CNTN2: variants seen among roughly 807,000 people sequenced by gnomAD.
CNTN2 encodes the protein contactin-2.
A neutral mutation model predicts 117.5 loss-of-function variants in CNTN2; 53 were observed. The observed-to-expected ratio is 0.45, with a 90% CI of 0.36 to 0.57. The LOEUF is 0.57. Ranked by LOEUF, CNTN2 falls within the 20% of genes least tolerant of loss-of-function variation. The probability of loss-of-function intolerance (pLI) is 0.00; values close to 1 mark genes in which losing one functional copy is unlikely to be tolerated. For synonymous variants in CNTN2, 530 were observed against 561.7 expected, an observed-to-expected ratio of 0.94 and a Z score of 0.80; for missense variants, 1,106 against 1,404.3, an observed-to-expected ratio of 0.79 and a Z score of 3.39.
At position 205,049,466 on chromosome 1, in the gene CNTN2, A is replaced by G. The variant is rs1464534395; in HGVS notation, c.-86-3634A>G. Among the ~76,000 whole-genome samples the G allele has an allele frequency of 2.6e-5, 4 of 152,180 alleles. No individual in the cohort carries two copies. In the East Asian group the frequency reaches 7.7e-4, roughly 29 times the overall value. On this transcript the variant is annotated intron_variant, in intron 1 of 22. Transcript: ENST00000331830. ...GACACAACAGATACCCACAAGCATTACATCCACGCACACTGGGACACAGAC... is the reference window on the plus strand; with the variant it reads ...GACACAACAGATACCCACAAGCATTGCATCCACGCACACTGGGACACAGAC...
chr1:205,067,420 G>A (rs1457283419), intron 16 of CNTN2, 170 bp downstream of exon 16: 2 of 675,300 alleles, frequency 3.0e-6, no homozygotes, highest in Non-Finnish European at 4.6e-6. Flanking sequence ...CAGGGCCACT[G>A]CATGGACAAA....
intron 9 of CNTN2, 32 bp downstream of exon 9, chr1:205,062,033 A>C (rs749902758): frequency 5.6e-6 from 9 of 1,608,182 alleles, no homozygotes; most frequent in Admixed American, 3.4e-5. Flanking sequence ...CCGACACATC[A>C]CAACTGTCCT....
rs1481830384 is a variant in CNTN2, at chr1:205,061,752, A to G, written c.974-113A>G. On this transcript the variant is annotated intron_variant, in intron 8 of 22. Transcript: ENST00000331830. The surrounding 1 kb of genome is among the most constrained non-coding windows in gnomAD (Gnocchi z 4.8). ...TTGTCCTCTCCATCTCAGAATGCTC[A>G]TGGCGCCCTCTGCTGTCTGGCACAG... is the stretch of plus-strand genomic sequence containing the variant. 4 of 1,339,356 alleles carry G rather than the reference A, an allele frequency of 3.0e-6. No homozygotes were observed. Among genetic ancestry groups the G allele is most frequent in the African/African-American group, 3.0e-5 (2 of 66,946 alleles). The allele number at this position is 1,339,356 out of a possible 1,614,324, so 83.0% of individuals were successfully genotyped here.
At chr1:205,057,742 G>A (rs1018709510) in intron 2 of CNTN2, 179 bp from the exon 3 acceptor site, 30 of 558,952 alleles carry the variant, frequency 5.4e-5, no homozygotes, top group Non-Finnish European at 7.6e-5. Flanking sequence ...TTCTTCAGTC[G>A]CAATAGCCAC....
At position 205,058,790 on chromosome 1, in the gene CNTN2, C is replaced by T. The variant is rs1653804336; in HGVS notation, c.487+127C>T. The T allele has an allele frequency of 2.8e-6, 2 of 726,980 alleles. No individual in the cohort carries two copies. Among genetic ancestry groups the T allele is most frequent in the Non-Finnish European group, 4.5e-6 (2 of 443,724 alleles). The allele number at this position is 726,980 out of a possible 1,614,324, so 45.0% of individuals were successfully genotyped here. A position where few individuals can be genotyped will look rare whatever the true frequency, so the allele number is the denominator to read the frequency against. On this transcript the variant is annotated intron_variant, in intron 5 of 22. Transcript: ENST00000331830. This position sits in a 1 kb window ranked among gnomAD's most constrained non-coding sequence, Gnocchi z 4.3. ...CTTAGAAGCACCCATCCCTGGGACCCTAACTTTAAATGATCTGTGTTTCCT... is the reference window on the plus strand; with the variant it reads ...CTTAGAAGCACCCATCCCTGGGACCTTAACTTTAAATGATCTGTGTTTCCT...
At chr1:205,062,677 T>C in intron 10 of CNTN2, 108 bp downstream of exon 10, 1 of 1,255,884 alleles carries the variant, frequency 8.0e-7, no homozygotes. Context: ...CCTGTGGCCA[T>C]TTTCCTTGGT....
chr1:205,070,465 T>G lies in CNTN2; in HGVS notation c.2471T>G (p.Val824Gly), dbSNP rs1327013798. ...VAPTKVWAKG[V>G]SSSEMNVTWE... Reference sequence around the variant, plus strand: ...CCTACCAAGGTGTGGGCCAAAGGGGTCTCATCCTCAGAGATGAACGTGACC... The same window carrying G: ...CCTACCAAGGTGTGGGCCAAAGGGGGCTCATCCTCAGAGATGAACGTGACC... The change falls in exon 19 of 23, where the codon GTC (valine) becomes GGC (glycine). Residue 824 changes from valine (V) to glycine (G), a missense_variant. Coordinates refer to ENST00000331830, the MANE Select transcript of CNTN2 (RefSeq NM_005076.5). 6 of 1,613,760 alleles carry G rather than the reference T, an allele frequency of 3.7e-6. No individual in the cohort carries two copies. Among genetic ancestry groups the G allele is most frequent in the Non-Finnish European group, 5.1e-6 (6 of 1,179,908 alleles).
At position 205,073,251 on chromosome 1, in the gene CNTN2, CT is replaced by C; in HGVS notation, c.3013+16del. ...GAGGAATGGAGGTGCTGCTCCTCCC[CT>C]ACCCTTATCCCCTCGAGAGATTCAG... is the stretch of plus-strand genomic sequence containing the variant. On this transcript the variant is annotated intron_variant, in intron 22 of 22. Transcript: ENST00000331830. This position sits in a 1 kb window ranked among gnomAD's most constrained non-coding sequence, Gnocchi z 6.3. 2.5e-6 allele frequency: 4 copies of C among 1,612,734 alleles called. No homozygotes were observed. The highest frequency in any genetic ancestry group is 3.4e-6 in the Non-Finnish European group (4 of 1,179,214).
chr1:205,062,336 G>C, intron 9 of CNTN2, 104 bp from the exon 10 acceptor site: 7 of 1,431,658 alleles, frequency 4.9e-6, no homozygotes, highest in Non-Finnish European at 6.6e-6. Flanking sequence ...ATATCCTCTA[G>C]GGATTATCAG....
intron 14 of CNTN2, 65 bp from the exon 15 acceptor site, chr1:205,066,376 A>C: frequency 6.4e-7 from 1 of 1,571,896 alleles, no homozygotes; most frequent in South Asian, 1.2e-5. Context: ...CCTGGCTGGG[A>C]GGAGGTTGGC....
chr1:205,061,314 C>T lies in CNTN2; in HGVS notation c.867C>T (p.Pro289=), dbSNP rs143847367. ...CCCCGCAGTGGACCACAGCTGAGCC[C>T]ACCCTGCAGATCCCCAGCGTCAGCT... The part of the protein sequence containing the change: ...SLSPQWTTAE[P]TLQIPSVSFE... Residue 289 remains proline (P), a synonymous_variant, in exon 8 of 23, where the codon CCC becomes CCT. Transcript: ENST00000331830. This position sits in a 1 kb window ranked among gnomAD's most constrained non-coding sequence, Gnocchi z 4.8. The T allele has an allele frequency of 1.5e-5, 25 of 1,614,036 alleles. No individual in the cohort carries two copies. In the Admixed American group the frequency reaches 1.7e-4, roughly 11 times the overall value.
At chr1:205,072,265 G>A (rs776135993) in intron 20 of CNTN2, 132 bp downstream of exon 20, 57 of 963,324 alleles carry the variant, frequency 5.9e-5, no homozygotes, top group East Asian at 1.5e-4. Flanking sequence ...ATTAGGCAGC[G>A]AGCCTAATGG....
intron 12 of CNTN2, 108 bp from the exon 13 acceptor site, chr1:205,064,979 C>G: frequency 7.5e-7 from 1 of 1,334,204 alleles, no homozygotes; most frequent in Non-Finnish European, 1.0e-6. Context: ...GTCACACCAC[C>G]TCTTCTCTTT....
chr1:205,059,020 T>C lies in CNTN2; in HGVS notation c.488-64T>C, dbSNP rs1401413341. 4 of 1,444,636 alleles carry C rather than the reference T, an allele frequency of 2.8e-6. No individual in the cohort carries two copies. Among genetic ancestry groups the C allele is most frequent in the African/African-American group, 1.4e-5 (1 of 71,302 alleles). The allele number at this position is 1,444,636 out of a possible 1,614,324, so 89.5% of individuals were successfully genotyped here. On this transcript the variant is annotated intron_variant, in intron 5 of 22. Coordinates refer to ENST00000331830, the MANE Select transcript of CNTN2 (RefSeq NM_005076.5). The surrounding 1 kb of genome is among the most constrained non-coding windows in gnomAD (Gnocchi z 5.6). The stretch of plus-strand genomic sequence containing the variant: ...GCAGAACCGCACCAGCATGCTGGGG[T>C]CCCACCCAGAGTGGCCCTGTTAGCC...
chr1:205,044,460 G>C (rs968575097), intron 1 of CNTN2, among the ~76,000 whole-genome samples: 1 of 130,030 alleles, frequency 7.7e-6, no homozygotes, highest in South Asian at 2.2e-4. Flanking sequence ...CTGTGTCCTG[G>C]GGGGGGGGGT....
chr1:205,043,288 G>A lies in CNTN2; in HGVS notation c.-193G>A, dbSNP rs1051188802. ...GACAGCGAGCGGCTGAGGCCGCCAGGGCCCAAAGGACAGCGGCCCAGACAG... is the reference window on the plus strand; with the variant it reads ...GACAGCGAGCGGCTGAGGCCGCCAGAGCCCAAAGGACAGCGGCCCAGACAG... On this transcript the variant is annotated 5_prime_UTR_variant, in exon 1 of 23. Coordinates refer to ENST00000331830, the MANE Select transcript of CNTN2 (RefSeq NM_005076.5). 6.6e-6 allele frequency: 1 copy of A among 152,510 alleles called. No homozygotes were observed. Among genetic ancestry groups the A allele is most frequent in the Non-Finnish European group, 1.5e-5 (1 of 68,122 alleles). The allele number at this position is 152,510 out of a possible 1,614,324, so 9.4% of individuals were successfully genotyped here.
In CNTN2 at chr1:205,073,239, G is replaced by A; in HGVS notation, c.3013+3G>A. 1.2e-6 allele frequency: 2 copies of A among 1,613,768 alleles called. No individual in the cohort carries two copies. The highest frequency in any genetic ancestry group is 1.7e-6 in the Non-Finnish European group (2 of 1,179,886). Reference sequence around the variant, plus strand: ...AGTCCACATCGTGAGGAATGGAGGTGCTGCTCCTCCCCTACCCTTATCCCC... The same window carrying A: ...AGTCCACATCGTGAGGAATGGAGGTACTGCTCCTCCCCTACCCTTATCCCC... On this transcript the variant is annotated splice_donor_region_variant and intron_variant, in intron 22 of 22. Transcript: ENST00000331830. This position sits in a 1 kb window ranked among gnomAD's most constrained non-coding sequence, Gnocchi z 6.3.
In CNTN2 at chr1:205,073,385, A is replaced by G. The variant is rs1405983554; in HGVS notation, c.3013+149A>G. On this transcript the variant is annotated intron_variant, in intron 22 of 22. Transcript: ENST00000331830. The surrounding 1 kb of genome is among the most constrained non-coding windows in gnomAD (Gnocchi z 6.3). ...GGAACCAAGTGCAAAGTAGTCTTAG[A>G]ACTGCCTCGCCGCCACCTTTCTACC... The G allele has an allele frequency of 1.0e-6, 1 of 995,858 alleles. No individual in the cohort carries two copies. Among genetic ancestry groups the G allele is most frequent in the Non-Finnish European group, 1.5e-6 (1 of 687,554 alleles). 61.7% of individuals were successfully genotyped at this position (995,858 alleles called of 1,614,324 possible).
chr1:205,064,126 A>AGGGGGGGGGGGGG (rs11329962), intron 10 of CNTN2, among the ~76,000 whole-genome samples, 196 bp from the exon 11 acceptor site: 1 of 94,374 alleles, frequency 1.1e-5, no homozygotes. Context: ...TGAGGGGCGG[A>AGGGGGGGGGGGGG]GGGGGGGCGC....
Sources: allele counts gnomAD v4.1 joint callset (sites outside exome capture counted in the v4.1 genomes callset), GRCh38; gene constraint gnomAD v4.1.1; non-coding constraint Gnocchi (gnomAD v3.1); transcripts MANE v1.5; gene names NCBI Gene and HGNC (gene_info 2026-07-23, HGNC 2026-07-21).